SLC24A2: variants seen among roughly 807,000 people sequenced by gnomAD.
SLC24A2 encodes the protein sodium/potassium/calcium exchanger 2.
A neutral mutation model predicts 62.0 loss-of-function variants in SLC24A2; 36 were observed. The observed-to-expected ratio is 0.58, with a 90% CI of 0.44 to 0.77. The LOEUF is 0.77. Among genes scored for constraint, SLC24A2 ranks in the 30% least tolerant of loss-of-function variants. The pLI is 0.00. For synonymous variants in SLC24A2, 358 were observed against 294.0 expected (o/e 1.22, Z -2.23); for missense variants, 846 against 817.9 (o/e 1.03, Z -0.42).
At chr9:20,288,578 G>A in the SLC24A2 span, among the ~76,000 whole-genome samples, 3 of 152,018 alleles carry the variant, frequency 2.0e-5, no homozygotes, top group Non-Finnish European at 4.4e-5. Context: ...AGACCAGCCT[G>A]GCCAATATGG....
intron 2 of SLC24A2, among the ~76,000 whole-genome samples, chr9:19,685,783 A>G (rs1166949765): frequency 1.3e-5 from 2 of 152,158 alleles, no homozygotes; most frequent in African/African-American, 4.8e-5. Flanking sequence ...AAGATGAATT[A>G]AAGACAAATG....
the SLC24A2 span, among the ~76,000 whole-genome samples, chr9:20,034,038 G>A: frequency 1.3e-5 from 2 of 152,126 alleles, no homozygotes; most frequent in Admixed American, 6.5e-5. Flanking sequence ...AAACTGGACT[G>A]TAACAGTGAG....
chr9:19,723,728 G>A (rs1377211756), intron 2 of SLC24A2, among the ~76,000 whole-genome samples: 1 of 151,932 alleles, frequency 6.6e-6, no homozygotes, highest in Admixed American at 6.6e-5. Context: ...AGAATTTCTA[G>A]TAATAATTAA....
At chr9:20,232,383 T>C in the SLC24A2 span, among the ~76,000 whole-genome samples, 2 of 152,232 alleles carry the variant, frequency 1.3e-5, no homozygotes, top group African/African-American at 2.4e-5. Flanking sequence ...TTTTGGTTGG[T>C]AAGCTATTGA....
the SLC24A2 span, among the ~76,000 whole-genome samples, chr9:20,252,882 G>C: frequency 0.17 from 25,824 of 152,172 alleles, 2,300 homozygotes; most frequent in African/African-American, 0.19. Flanking sequence ...TAACTAAGTA[G>C]CTGGTGCTTC....
chr9:19,684,598 G>A (rs1382050147), intron 2 of SLC24A2, among the ~76,000 whole-genome samples: 1 of 152,062 alleles, frequency 6.6e-6, no homozygotes, highest in Non-Finnish European at 1.5e-5. Context: ...CATTTTAAGG[G>A]TTTCAGGGTA....
At chr9:20,210,566 C>G in the SLC24A2 span, among the ~76,000 whole-genome samples, 2 of 150,254 alleles carry the variant, frequency 1.3e-5, no homozygotes, top group Admixed American at 1.3e-4. Context: ...CTCCGCCTCC[C>G]GGGTTCACGC....
rs1564009376 is a variant in SLC24A2 at position 19,636,279 on chromosome 9, TTCTTCTC to T, written c.931-13987_931-13981del. ...CCTTTTCTTTTCTTCTCTTCTTCTC[TTCTTCTC>T]TTCTTTTCTTTTCTTTTCTTTTCTT... On this transcript the variant is annotated intron_variant, in intron 2 of 10. Transcript: ENST00000341998. Among the ~76,000 whole-genome samples the T allele has an allele frequency of 3.4e-3, 187 of 54,882 alleles. 7 individuals are homozygous for T. Among genetic ancestry groups the T allele is most frequent in the African/African-American group, 0.014 (180 of 12,420 alleles). 36.0% of individuals were successfully genotyped at this position (54,882 alleles called of 152,430 possible). A position where few individuals can be genotyped will look rare whatever the true frequency, so the allele number is the denominator to read the frequency against.
intron 2 of SLC24A2, among the ~76,000 whole-genome samples, chr9:19,764,356 T>G (rs1270632204): frequency 6.6e-6 from 1 of 152,206 alleles, no homozygotes; most frequent in East Asian, 1.9e-4. Context: ...TTTGAATTTG[T>G]TTGCTCTTGC....
the SLC24A2 span, among the ~76,000 whole-genome samples, chr9:19,954,630 C>A: frequency 6.6e-6 from 1 of 151,918 alleles, no homozygotes. Context: ...ATATCCACCT[C>A]TAGTTCTAAG....
chr9:19,571,155 G>A (rs1178785022), intron 7 of SLC24A2, among the ~76,000 whole-genome samples: 1 of 152,014 alleles, frequency 6.6e-6, no homozygotes, highest in African/African-American at 2.4e-5. Context: ...ATGTCCTTGG[G>A]GCCTGCCTCC....
At chr9:19,916,406 T>G in the SLC24A2 span, among the ~76,000 whole-genome samples, 1 of 151,956 alleles carries the variant, frequency 6.6e-6, no homozygotes, top group African/African-American at 2.4e-5. Flanking sequence ...CTTCTAAAAA[T>G]TTTTTTAAAG....
At chr9:19,986,536 C>T in the SLC24A2 span, among the ~76,000 whole-genome samples, 2 of 151,930 alleles carry the variant, frequency 1.3e-5, no homozygotes, top group South Asian at 4.2e-4. Context: ...GGAAAGAACC[C>T]AAATGTCCAT....
At chr9:19,549,980 C>T (rs73645420) in intron 8 of SLC24A2, among the ~76,000 whole-genome samples, 157 bp downstream of exon 8, 7,536 of 152,096 alleles carry the variant, frequency 0.05, 612 homozygotes, top group African/African-American at 0.17. Flanking sequence ...AATATTTTTT[C>T]TTGTTACATA....
intron 2 of SLC24A2, among the ~76,000 whole-genome samples, chr9:19,622,735 A>C (rs1817938826): frequency 6.6e-6 from 1 of 152,194 alleles, no homozygotes. Flanking sequence ...AGTGCATATA[A>C]AGAAAAAAAT....
Position 19,786,895 on chromosome 9 carries a change from T to C in SLC24A2, c.-29A>G, listed in dbSNP as rs1279914953. 4 of 1,603,010 alleles carry C rather than the reference T, an allele frequency of 2.5e-6. No homozygotes were observed. The Admixed American group carries it at 6.7e-5, about 27-fold the overall frequency. On this transcript the variant is annotated 5_prime_UTR_variant, in exon 2 of 11. Coordinates refer to ENST00000341998, the MANE Select transcript of SLC24A2 (RefSeq NM_020344.4). This position sits in a 1 kb window ranked among gnomAD's most constrained non-coding sequence, Gnocchi z 5.0. ...GGGTCTTCTGGTGGATATGGTGATCTTCCAACTTTAGACTCAACCAGATGG... is the reference window on the plus strand; with the variant it reads ...GGGTCTTCTGGTGGATATGGTGATCCTCCAACTTTAGACTCAACCAGATGG...
intron 2 of SLC24A2, among the ~76,000 whole-genome samples, chr9:19,736,816 T>A (rs1306011284): frequency 6.6e-6 from 1 of 152,202 alleles, no homozygotes; most frequent in African/African-American, 2.4e-5. Flanking sequence ...CATGCCACTG[T>A]ACTTCAGCCT....
the SLC24A2 span, among the ~76,000 whole-genome samples, chr9:20,076,861 G>C: frequency 9.4e-6 from 1 of 105,868 alleles, no homozygotes; most frequent in East Asian, 3.0e-4. Flanking sequence ...CATATCATAT[G>C]TATATATATA....
the SLC24A2 span, among the ~76,000 whole-genome samples, chr9:19,903,039 C>CTT: frequency 9.3e-4 from 136 of 145,780 alleles, 1 homozygote; most frequent in Middle Eastern, 0.014. Context: ...AAAAATCAGG[C>CTT]TTTTTTTTTT....
Sources: gnomAD v4.1 joint callset for allele counts (sites outside exome capture counted in the v4.1 genomes callset) on GRCh38, gnomAD v4.1.1 for gene constraint, Gnocchi (gnomAD v3.1) non-coding constraint, MANE v1.5 for transcripts, NCBI Gene and HGNC (gene_info 2026-07-23, HGNC 2026-07-21) for gene names.